The following HMCN2 variants were observed in gnomAD, a reference collection of about 807,000 sequenced individuals.
HMCN2 encodes hemicentin-2.
Under a neutral mutation model 377.5 loss-of-function variants are expected in HMCN2, and 325 were observed. The ratio of observed to expected loss-of-function variants is 0.86; its 90% CI spans 0.79 to 0.94. The LOEUF (loss-of-function observed/expected upper bound fraction) is 0.94, where lower values mean the gene tolerates loss of function less well. Among genes scored for constraint, HMCN2 ranks in the 40% least tolerant of loss-of-function variants. The probability of loss-of-function intolerance (pLI) is 0.00; values close to 1 mark genes in which losing one functional copy is unlikely to be tolerated. For missense variants in HMCN2, 4,543 were observed against 4,725.3 expected, an observed-to-expected ratio of 0.96 and a Z score of 1.13; for synonymous variants, 2,007 against 2,046.8, an observed-to-expected ratio of 0.98 and a Z score of 0.53.
intron 86 of HMCN2, among the ~76,000 whole-genome samples, chr9:130,421,235 T>A (rs1843986120): frequency 1.3e-5 from 2 of 152,242 alleles, no homozygotes; most frequent in Admixed American, 1.3e-4. Context: ...GTTTTTTATC[T>A]TCGTTCGTGT....
At chr9:130,342,799 G>A (rs1204625775) in intron 25 of HMCN2, among the ~76,000 whole-genome samples, 2 of 152,132 alleles carry the variant, frequency 1.3e-5, no homozygotes, top group African/African-American at 4.8e-5. Context: ...GGGGCTTCGT[G>A]GTCAGCCCGC....
intron 1 of HMCN2, among the ~76,000 whole-genome samples, chr9:130,269,482 G>C (rs1554920371): frequency 6.8e-6 from 1 of 147,874 alleles, no homozygotes; most frequent in Non-Finnish European, 1.5e-5. Flanking sequence ...CGACTCTTCA[G>C]GTTGTTTTCC....
At chr9:130,368,761 A>G (rs1174303024) in intron 44 of HMCN2, among the ~76,000 whole-genome samples, 1 of 152,070 alleles carries the variant, frequency 6.6e-6, no homozygotes, top group East Asian at 1.9e-4. Flanking sequence ...CCAGGGGGGA[A>G]GCACCAGACA....
chr9:130,340,584 A>G (rs1285151556), intron 23 of HMCN2, among the ~76,000 whole-genome samples: 2 of 150,906 alleles, frequency 1.3e-5, no homozygotes, highest in South Asian at 2.1e-4. Flanking sequence ...CAGTGGCACA[A>G]TCTCAGCTCA....
intron 32 of HMCN2, among the ~76,000 whole-genome samples, chr9:130,355,344 G>A (rs992521978): frequency 3.3e-5 from 5 of 152,190 alleles, no homozygotes; most frequent in South Asian, 4.1e-4. Flanking sequence ...GGCCCTTTAC[G>A]GAGACTTTCC....
At chr9:130,427,767 T>G in intron 92 of HMCN2, 148 bp downstream of exon 92, 2 of 1,001,896 alleles carry the variant, frequency 2.0e-6, no homozygotes, top group African/African-American at 3.3e-5. Context: ...AGCCTGGGGG[T>G]CCCAATGCTA....
Position 130,355,975 on chromosome 9 carries a change from G to A in HMCN2, c.5256-113G>A. On this transcript the variant is annotated intron_variant, in intron 33 of 97. Transcript: ENST00000683500. ...TTTCCAGGAGTAGGAAAGAGGCCTG[G>A]AGCCACGGCTGGTGAGAGCAGGTGG... is the stretch of plus-strand genomic sequence containing the variant. 3 of 913,436 alleles carry A rather than the reference G, an allele frequency of 3.3e-6. No individual in the cohort carries two copies. The South Asian group carries it at 4.8e-5, about 15-fold the overall frequency. 56.6% of individuals were successfully genotyped at this position (913,436 alleles called of 1,614,324 possible).
At position 130,347,874 on chromosome 9, in the gene HMCN2, T is replaced by C. The variant is rs28972494; in HGVS notation, c.4024+514T>C. The C allele has an allele frequency of 0.1, 36,315 of 353,822 alleles. 2,041 individuals carry two copies. Among genetic ancestry groups the C allele is most frequent in the East Asian group, 0.19 (1,139 of 5,846 alleles). The allele number at this position is 353,822 out of a possible 1,614,324, so 21.9% of individuals were successfully genotyped here. A position where few individuals can be genotyped will look rare whatever the true frequency, so the allele number is the denominator to read the frequency against. On this transcript the variant is annotated intron_variant, in intron 26 of 97. Coordinates refer to ENST00000683500, the MANE Select transcript of HMCN2 (RefSeq NM_001291815.2). The surrounding 1 kb of genome is among the most constrained non-coding windows in gnomAD (Gnocchi z 5.1). ...ATAAAATAAACTTAAAAAATTATTT[T>C]TAAAAATGAGCACGGATGGCAGTGC...
chr9:130,279,767 A>G (rs1835011433), intron 1 of HMCN2, among the ~76,000 whole-genome samples: 1 of 152,228 alleles, frequency 6.6e-6, no homozygotes, highest in South Asian at 2.1e-4. Flanking sequence ...TATCTTCCCA[A>G]AGATGTGCCT....
chr9:130,355,734 T>A lies in HMCN2; in HGVS notation c.5147-12T>A. On this transcript the variant is annotated splice_polypyrimidine_tract_variant and intron_variant, in intron 32 of 97. Coordinates refer to ENST00000683500, the MANE Select transcript of HMCN2 (RefSeq NM_001291815.2). ...TCAGCTCCAAACACCCAGGAGTGTGTTCTGCCTGCAGTGCCCCCACAGCTC... is the reference window on the plus strand; with the variant it reads ...TCAGCTCCAAACACCCAGGAGTGTGATCTGCCTGCAGTGCCCCCACAGCTC... 7.7e-7 allele frequency: 1 copy of A among 1,295,426 alleles called. No homozygotes were observed. The highest frequency in any genetic ancestry group is 1.0e-6 in the Non-Finnish European group (1 of 982,034). 80.2% of individuals were successfully genotyped at this position (1,295,426 alleles called of 1,614,324 possible).
chr9:130,407,712 C>A lies in HMCN2; in HGVS notation c.12688+7C>A. The A allele has an allele frequency of 8.2e-7, 1 of 1,213,532 alleles. No individual in the cohort carries two copies. The highest frequency in any genetic ancestry group is 1.1e-6 in the Non-Finnish European group (1 of 948,674). The allele number at this position is 1,213,532 out of a possible 1,614,324, so 75.2% of individuals were successfully genotyped here. On this transcript the variant is annotated splice_region_variant and intron_variant, in intron 83 of 97. Coordinates refer to ENST00000683500, the MANE Select transcript of HMCN2 (RefSeq NM_001291815.2). ...AGCTTCGTCCACGTGAAGGGTAGGG[C>A]ACATTCCCCAGGTGGCTTCTCTCTC... is the stretch of plus-strand genomic sequence containing the variant.
At position 130,360,494 on chromosome 9, in the gene HMCN2, G is replaced by A; in HGVS notation, c.5840G>A (p.Gly1947Glu). The A allele has an allele frequency of 7.7e-7, 1 of 1,304,148 alleles. No homozygotes were observed. Among genetic ancestry groups the A allele is most frequent in the South Asian group, 1.2e-5 (1 of 81,020 alleles). The allele number at this position is 1,304,148 out of a possible 1,614,324, so 80.8% of individuals were successfully genotyped here. A position where few individuals can be genotyped will look rare whatever the true frequency, so the allele number is the denominator to read the frequency against. The change falls in exon 38 of 98, where the codon GGG becomes GAG. Residue 1947 changes from glycine (G) to glutamate (E), a missense_variant. Physicochemically the swap from Gly to Glu is moderately conservative, Grantham distance 98. Transcript: ENST00000683500. The surrounding 1 kb of genome is among the most constrained non-coding windows in gnomAD (Gnocchi z 4.7). ...ATGGGAGTGACAGTATCAGTGGATGGGAGAGTTCTCCGCATTGAGCAAGCC... is the reference window on the plus strand; with the variant it reads ...ATGGGAGTGACAGTATCAGTGGATGAGAGAGTTCTCCGCATTGAGCAAGCC... Reference protein sequence around the residue: ...SWMGVTVSVDGRVLRIEQAQL... With the variant: ...SWMGVTVSVDERVLRIEQAQL...
rs1157320926 is a variant in HMCN2 at position 130,418,895 on chromosome 9, C to A, written c.13085C>A (p.Pro4362His). Residue 4362 changes from proline (P) to histidine (H), a missense_variant, in exon 86 of 98, where the codon CCC (proline) becomes CAC (histidine). By Grantham distance (77) the Pro-to-His change is moderately conservative. This residue lies in a region of HMCN2 where 1,155 missense variants were observed against 1,157.7 expected (regional missense o/e 1.00). Coordinates refer to ENST00000683500, the MANE Select transcript of HMCN2 (RefSeq NM_001291815.2). Reference sequence around the variant, plus strand: ...ATTGAATGGCTACAGGCGGGTCAACCCTTGCGGGCCAGCCGGCGGCTCCGG... The same window carrying A: ...ATTGAATGGCTACAGGCGGGTCAACACTTGCGGGCCAGCCGGCGGCTCCGG... Reference protein sequence around the residue: ...PTIEWLQAGQPLRASRRLRTL... With the variant: ...PTIEWLQAGQHLRASRRLRTL... 4.5e-6 allele frequency: 7 copies of A among 1,549,610 alleles called. No individual in the cohort carries two copies. The highest frequency in any genetic ancestry group is 2.0e-5 in the Admixed American group (1 of 50,928).
Position 130,425,818 on chromosome 9 carries a change from C to T in HMCN2, c.13773C>T (p.Gly4591=), listed in dbSNP as rs1202791202. ...NHSIQYNAAR[G]PQPQLVQHLR... is the part of the protein sequence containing the mutation. The stretch of plus-strand genomic sequence containing the variant: ...GCATCCAGTACAACGCGGCCCGGGG[C>T]CCCCAGCCCCAGCTGGTGCAGCACC... Residue 4591 remains glycine, a synonymous_variant, in exon 90 of 98, where the codon GGC becomes GGT. Transcript: ENST00000683500. 5 of 1,550,380 alleles carry T rather than the reference C, an allele frequency of 3.2e-6. No individual in the cohort carries two copies. The South Asian group carries it at 3.6e-5, about 11-fold the overall frequency.
Position 130,372,401 on chromosome 9 carries a change from G to A in HMCN2, c.7345G>A (p.Val2449Met). ...GGCACGGAGGAACTTCAGTGTGGAG[G>A]TGCTGGGTGCGTTACAACCCCATTC... ...GEARRNFSVEVLVPPSIENED... is the reference protein window; with the variant it reads ...GEARRNFSVEMLVPPSIENED... Residue 2449 changes from valine to methionine, a missense_variant, in exon 47 of 98, where the codon GTG becomes ATG. By Grantham distance (21) the Val-to-Met change is conservative. Around this residue, in one of 5 missense-constraint regions of HMCN2, gnomAD observed 1,032 missense variants for 1,285.1 expected, o/e 0.80. Transcript: ENST00000683500. The A allele has an allele frequency of 1.0e-6, 1 of 984,436 alleles. No homozygotes were observed. The highest frequency in any genetic ancestry group is 1.2e-6 in the Non-Finnish European group (1 of 828,678). 61.0% of individuals were successfully genotyped at this position (984,436 alleles called of 1,614,324 possible). A position where few individuals can be genotyped will look rare whatever the true frequency, so the allele number is the denominator to read the frequency against.
Position 130,411,650 on chromosome 9 carries a change from A to G in HMCN2, c.12961+998A>G, listed in dbSNP as rs558853080. On this transcript the variant is annotated intron_variant, in intron 85 of 97. Coordinates refer to ENST00000683500, the MANE Select transcript of HMCN2 (RefSeq NM_001291815.2). The stretch of plus-strand genomic sequence containing the variant: ...AAGGAATGCAATGCAATTCTGACAC[A>G]GGCTACAACATAGATGAACCTTGAG... Among the ~76,000 whole-genome samples the G allele has an allele frequency of 9.3e-4, 142 of 151,880 alleles. 1 individual carries two copies. The highest frequency in any genetic ancestry group is 1.4e-3 in the Admixed American group (21 of 15,254).
chr9:130,334,342 C>T (rs1838591650), intron 22 of HMCN2, among the ~76,000 whole-genome samples: 1 of 151,966 alleles, frequency 6.6e-6, no homozygotes, highest in South Asian at 2.1e-4. Context: ...GAGGATGTGG[C>T]CAGTTTGGCA....
intron 85 of HMCN2, among the ~76,000 whole-genome samples, chr9:130,416,161 G>A (rs2131775277): frequency 6.8e-6 from 1 of 147,762 alleles, no homozygotes; most frequent in East Asian, 2.0e-4. Context: ...CTGGAGTGCA[G>A]TGGCGCGATC....
intron 25 of HMCN2, among the ~76,000 whole-genome samples, chr9:130,345,376 ATG>A (rs1225097399): frequency 9.7e-6 from 1 of 102,988 alleles, no homozygotes; most frequent in Non-Finnish European, 2.0e-5. Context: ...TATGTGTGGT[ATG>A]TGTAGTGTGT....
Sources: gnomAD v4.1 joint callset for allele counts (sites outside exome capture counted in the v4.1 genomes callset) on GRCh38, gnomAD v4.1.1 for gene constraint, gnomAD v4.1.1 regional missense constraint, Gnocchi (gnomAD v3.1) non-coding constraint, MANE v1.5 for transcripts, NCBI Gene and HGNC (gene_info 2026-07-23, HGNC 2026-07-21) for gene names.